CACNA1E: variants seen among roughly 807,000 people sequenced by gnomAD.
CACNA1E encodes the protein calcium voltage-gated channel subunit alpha1 E, also known as voltage-dependent R-type calcium channel subunit alpha-1E.
A neutral mutation model predicts 259.2 loss-of-function variants in CACNA1E; 40 were observed. The ratio of observed to expected loss-of-function variants is 0.15; its 90% CI spans 0.12 to 0.20. The LOEUF (loss-of-function observed/expected upper bound fraction) is 0.20, where lower values mean the gene tolerates loss of function less well. Ranked by LOEUF, CACNA1E falls within the 10% of genes least tolerant of loss-of-function variation. CACNA1E has a pLI of 1.00. For synonymous variants in CACNA1E, 1,104 were observed against 1,138.5 expected (o/e 0.97, Z 0.61); for missense variants, 1,874 against 3,040.1 (o/e 0.62, Z 9.02).
At chr1:181,372,291 T>C (rs1257636340) in intron 1 of CACNA1E, among the ~76,000 whole-genome samples, 1 of 152,208 alleles carries the variant, frequency 6.6e-6, no homozygotes, top group African/African-American at 2.4e-5. Context: ...GTTGTGTAGT[T>C]CTCATTGTAG....
At chr1:181,506,976 C>G (rs1030645140) in intron 1 of CACNA1E, among the ~76,000 whole-genome samples, 1 of 151,962 alleles carries the variant, frequency 6.6e-6, no homozygotes. Flanking sequence ...ATCCTGAGGT[C>G]TAGATGCCCT....
chr1:181,362,194 C>A (rs933529353), intron 1 of CACNA1E, among the ~76,000 whole-genome samples: 8 of 152,190 alleles, frequency 5.3e-5, no homozygotes, highest in African/African-American at 1.9e-4. Flanking sequence ...TCATCAGAGC[C>A]CAAAAGGAGA....
chr1:181,771,265 ACT>A (rs1558370853), intron 35 of CACNA1E, 26 bp from the exon 36 acceptor site: 1 of 1,285,088 alleles, frequency 7.8e-7, no homozygotes, highest in Non-Finnish European at 1.1e-6. Context: ...GGTAATGCTC[ACT>A]GTTTTCTGTT....
intron 6 of CACNA1E, among the ~76,000 whole-genome samples, chr1:181,650,793 C>T (rs931645062): frequency 3.3e-5 from 5 of 152,170 alleles, no homozygotes; most frequent in African/African-American, 1.2e-4. Context: ...CAGAGCCTTG[C>T]TGGGGCCAAG....
chr1:181,674,394 CAAAAAAAAAAAA>C (rs10711497), intron 7 of CACNA1E, among the ~76,000 whole-genome samples: 3 of 43,566 alleles, frequency 6.9e-5, no homozygotes, highest in Non-Finnish European at 8.4e-5. Context: ...GACTCCATCT[CAAAAAAAAAAAA>C]AAAAAAAAAA....
At chr1:181,788,368 G>A (rs1171540699) in intron 43 of CACNA1E, among the ~76,000 whole-genome samples, 1 of 152,162 alleles carries the variant, frequency 6.6e-6, no homozygotes, top group Admixed American at 6.5e-5. Context: ...TGATCTAGGG[G>A]TATAGTGGTA....
intron 16 of CACNA1E, among the ~76,000 whole-genome samples, chr1:181,723,331 C>T (rs1558307738): frequency 6.6e-6 from 1 of 152,160 alleles, no homozygotes; most frequent in Admixed American, 6.5e-5. Context: ...ACATCTCGTT[C>T]AGTGATTCTC....
rs545471618 is a variant in CACNA1E at position 181,499,046 on chromosome 1, G to T, written c.267-11431G>T. Among the ~76,000 whole-genome samples, 4 of 152,318 alleles carry T rather than the reference G, an allele frequency of 2.6e-5. No homozygotes were observed. In the East Asian group the frequency reaches 7.7e-4, roughly 29 times the overall value. The stretch of plus-strand genomic sequence containing the variant: ...ATTGGTAACAGTGACTCAGAAAAAT[G>T]GTTAATATTCTTCTTTCCCAAATAT... On this transcript the variant is annotated intron_variant, in intron 1 of 47. Coordinates refer to ENST00000367573, the MANE Select transcript of CACNA1E (RefSeq NM_001205293.3).
chr1:181,393,949 T>G (rs189272147), intron 1 of CACNA1E, among the ~76,000 whole-genome samples: 2 of 152,342 alleles, frequency 1.3e-5, no homozygotes, highest in Admixed American at 1.3e-4. Context: ...TCAGCCACTG[T>G]GGGACTGAGT....
At chr1:181,455,410 A>G (rs2102351191) in intron 2 of CACNA1E, among the ~76,000 whole-genome samples, 1 of 152,306 alleles carries the variant, frequency 6.6e-6, no homozygotes, top group South Asian at 2.1e-4. Context: ...TCCTCTTGAG[A>G]GGATAACGTG....
chr1:181,339,540 T>G (rs529542810), intron 1 of CACNA1E, among the ~76,000 whole-genome samples: 1 of 151,758 alleles, frequency 6.6e-6, no homozygotes, highest in African/African-American at 2.4e-5. Context: ...CATTTTGTGG[T>G]ATGAGTTTAA....
chr1:181,427,833 A>T (rs1345455847), intron 2 of CACNA1E, among the ~76,000 whole-genome samples: 1 of 143,284 alleles, frequency 7.0e-6, no homozygotes, highest in Non-Finnish European at 1.5e-5. Context: ...ACATGAAATT[A>T]TATTACACAT....
chr1:181,454,612 C>G (rs1453029001), intron 2 of CACNA1E, among the ~76,000 whole-genome samples: 1 of 152,184 alleles, frequency 6.6e-6, no homozygotes, highest in Non-Finnish European at 1.5e-5. Flanking sequence ...GGCTGGACCA[C>G]TTATATCATA....
chr1:181,488,525 T>C (rs1664047288), intron 1 of CACNA1E, among the ~76,000 whole-genome samples: 1 of 152,214 alleles, frequency 6.6e-6, no homozygotes. Flanking sequence ...GCTTTTGATA[T>C]GAAGTGTGGG....
intron 13 of CACNA1E, 98 bp downstream of exon 13, chr1:181,719,961 G>C: frequency 2.5e-6 from 2 of 806,678 alleles, no homozygotes; most frequent in Non-Finnish European, 3.9e-6. Context: ...CCCTTAGGGG[G>C]AAAGTATCCC....
intron 2 of CACNA1E, among the ~76,000 whole-genome samples, chr1:181,428,360 AGCTTC>A (rs1659459379): frequency 6.6e-6 from 1 of 152,200 alleles, no homozygotes; most frequent in African/African-American, 2.4e-5. Context: ...GCATGCTGAC[AGCTTC>A]GGTTTTATCC....
At position 181,660,297 on chromosome 1, in the gene CACNA1E, T is replaced by A. The variant is rs561201670; in HGVS notation, c.1055+8856T>A. Among the ~76,000 whole-genome samples the A allele has an allele frequency of 2.0e-5, 3 of 152,346 alleles. No individual in the cohort carries two copies. The East Asian group carries it at 5.8e-4, about 29-fold the overall frequency. Reference sequence around the variant, plus strand: ...ATTCAGCAAGTGTTTATTGAGTGTCTGCTATGCAAAAGATACCTGGCTAGA... The same window carrying A: ...ATTCAGCAAGTGTTTATTGAGTGTCAGCTATGCAAAAGATACCTGGCTAGA... On this transcript the variant is annotated intron_variant, in intron 7 of 47. Transcript: ENST00000367573.
chr1:181,778,827 AAAG>A (rs1473510452), intron 38 of CACNA1E, among the ~76,000 whole-genome samples: 1 of 152,188 alleles, frequency 6.6e-6, no homozygotes, highest in East Asian at 1.9e-4. Flanking sequence ...CCTACTGAGT[AAAG>A]AAGACTTGCC....
intron 1 of CACNA1E, among the ~76,000 whole-genome samples, chr1:181,505,257 CAG>C (rs2102588661): frequency 6.6e-6 from 1 of 152,260 alleles, no homozygotes; most frequent in African/African-American, 2.4e-5. Flanking sequence ...TTTGAACACT[CAG>C]AAAATGGTTA....
Sources: gnomAD v4.1 joint callset for allele counts (sites outside exome capture counted in the v4.1 genomes callset) on GRCh38, gnomAD v4.1.1 for gene constraint, MANE v1.5 for transcripts, NCBI Gene and HGNC (gene_info 2026-07-23, HGNC 2026-07-21) for gene names.